Variants in OTOF observed in about 807,000 individuals in gnomAD.
The protein encoded by OTOF is otoferlin.
Under a neutral mutation model 236.8 loss-of-function variants are expected in OTOF, and 218 were observed. The ratio of observed to expected loss-of-function variants is 0.92; its 90% confidence interval spans 0.82 to 1.03. OTOF has a LOEUF of 1.03. OTOF is among the 50% of genes least tolerant of loss of function. OTOF has a pLI of 0.00. For synonymous variants in OTOF, 1,041 were observed against 1,072.5 expected (o/e 0.97, Z 0.57); for missense variants, 2,590 against 2,694.4 (o/e 0.96, Z 0.86).
intron 8 of OTOF, among the ~76,000 whole-genome samples, chr2:26,497,709 A>G (rs1377141454): frequency 6.6e-6 from 1 of 152,204 alleles, no homozygotes; most frequent in Non-Finnish European, 1.5e-5. Flanking sequence ...GGAAGCAAAC[A>G]TTTCCGTTTG....
Position 26,457,981 on chromosome 2 carries a change from C to T in OTOF, c.*257G>A. On this transcript the variant is annotated 3_prime_UTR_variant, in exon 47 of 47. Coordinates refer to ENST00000272371, the MANE Select transcript of OTOF (RefSeq NM_194248.3). The surrounding 1 kb of genome is among the most constrained non-coding windows in gnomAD (Gnocchi z 4.4). ...TCCCCAGGGGAGATGGGAAAGAGTC[C>T]AAGCCACTGAAAGGAAATGCGGCAG... The T allele has an allele frequency of 6.5e-7, 1 of 1,534,608 alleles. No homozygotes were observed. The highest frequency in any genetic ancestry group is 8.9e-7 in the Non-Finnish European group (1 of 1,120,662).
intron 18 of OTOF, chr2:26,478,110 T>A: frequency 1.2e-5 from 15 of 1,245,918 alleles, no homozygotes; most frequent in Non-Finnish European, 1.6e-5. Flanking sequence ...GATCCTGACG[T>A]CACTCCAGAA....
intron 1 of OTOF, among the ~76,000 whole-genome samples, chr2:26,556,547 G>A (rs1449384815): frequency 6.6e-6 from 1 of 152,196 alleles, no homozygotes; most frequent in African/African-American, 2.4e-5. Flanking sequence ...CAGAGAGCAA[G>A]GGTTGCAAAT....
chr2:26,477,445 C>A lies in OTOF; in HGVS notation c.2377G>T (p.Glu793Ter). Residue 793 changes from glutamate to a stop codon, truncating the protein, a stop_gained, in exon 20 of 47, where the codon GAG becomes TAG. Coordinates refer to ENST00000272371, the MANE Select transcript of OTOF (RefSeq NM_194248.3). LOFTEE classifies it high-confidence loss of function. The surrounding 1 kb of genome is among the most constrained non-coding windows in gnomAD (Gnocchi z 4.7). Reference sequence around the variant, plus strand: ...TCCCTCATGCAGGACTTGAGGCGCTCCCGGTCAAGCCTGGTGCGGGATGAG... The same window carrying A: ...TCCCTCATGCAGGACTTGAGGCGCTACCGGTCAAGCCTGGTGCGGGATGAG... ...GHSSRTRLDRERLKSCMRELE... is the reference protein window; with the variant it reads ...GHSSRTRLDR 6.3e-7 allele frequency: 1 copy of A among 1,599,276 alleles called. No individual in the cohort carries two copies.
chr2:26,474,155 C>T lies in OTOF; in HGVS notation c.3289-45G>A, dbSNP rs199928644. 1,674 of 1,611,240 alleles carry T rather than the reference C, an allele frequency of 1.0e-3. 25 individuals are homozygous for T. The highest frequency in any genetic ancestry group is 3.2e-4 in the Non-Finnish European group (377 of 1,178,916). ...GGTCACACACTGGGGAGCCCAGGGA[C>T]AGGGTCTCTTTCCCCATGAGTTGTT... On this transcript the variant is annotated intron_variant, in intron 26 of 46. Coordinates refer to ENST00000272371, the MANE Select transcript of OTOF (RefSeq NM_194248.3).
chr2:26,548,687 G>T (rs1394360047), intron 1 of OTOF, among the ~76,000 whole-genome samples: 1 of 152,116 alleles, frequency 6.6e-6, no homozygotes, highest in East Asian at 1.9e-4. Context: ...ACTTACCATT[G>T]TACTATGATT....
In OTOF at chr2:26,473,264, G is replaced by A; in HGVS notation, c.3601C>T (p.Pro1201Ser). Residue 1201 changes from proline to serine, a missense_variant, in exon 29 of 47, where the codon CCC becomes TCC. This residue lies in a region of OTOF where 1,211 missense variants were observed against 1,352.8 expected (regional missense o/e 0.90). Coordinates refer to ENST00000272371, the MANE Select transcript of OTOF (RefSeq NM_194248.3). The surrounding 1 kb of genome is among the most constrained non-coding windows in gnomAD (Gnocchi z 7.2). ...CAGTCCACCACACGGATGTTCAAGGGCGGGTGCAGCAGCTCGTTCTCTGGG... is the reference window on the plus strand; with the variant it reads ...CAGTCCACCACACGGATGTTCAAGGACGGGTGCAGCAGCTCGTTCTCTGGG... The part of the protein sequence containing the change: ...DLPENELLHP[P>S]LNIRVVDCRA... 6.2e-7 allele frequency: 1 copy of A among 1,613,438 alleles called. No homozygotes were observed. Among genetic ancestry groups the A allele is most frequent in the Non-Finnish European group, 8.5e-7 (1 of 1,179,922 alleles).
At position 26,499,941 on chromosome 2, in the gene OTOF, C is replaced by T. The variant is rs140250090; in HGVS notation, c.765+1813G>A. Among the ~76,000 whole-genome samples, 289 of 152,272 alleles carry T rather than the reference C, an allele frequency of 1.9e-3. 3 individuals are homozygous for T. In the East Asian group the frequency reaches 0.027, roughly 14 times the overall value. On this transcript the variant is annotated intron_variant, in intron 8 of 46. Coordinates refer to ENST00000272371, the MANE Select transcript of OTOF (RefSeq NM_194248.3). The stretch of plus-strand genomic sequence containing the variant: ...ATGCTACCAGGTTAAATACAACAAC[C>T]GTTTTGTTCAGTTCGGTTTAAAAAG...
rs1665396169 is a variant in OTOF, at chr2:26,477,859, C to G, written c.2215-110G>C. 2 of 1,557,442 alleles carry G rather than the reference C, an allele frequency of 1.3e-6. No homozygotes were observed. The highest frequency in any genetic ancestry group is 8.7e-7 in the Non-Finnish European group (1 of 1,150,956). The stretch of plus-strand genomic sequence containing the variant: ...AGTGAGGGACCTCATGATCTGGGAG[C>G]TCTCGCTAGGGCCATCCTGAGTATC... On this transcript the variant is annotated intron_variant, in intron 18 of 46. Transcript: ENST00000272371. The surrounding 1 kb of genome is among the most constrained non-coding windows in gnomAD (Gnocchi z 4.7).
At chr2:26,545,051 A>AAAAG (rs1487050107) in intron 1 of OTOF, among the ~76,000 whole-genome samples, 2 of 151,516 alleles carry the variant, frequency 1.3e-5, no homozygotes, top group Admixed American at 6.6e-5. Context: ...AAAAAAAAAA[A>AAAAG]AAAAGAAAAG....
intron 33 of OTOF, 73 bp downstream of exon 33, chr2:26,468,335 G>T (rs1558474240): frequency 8.3e-6 from 9 of 1,082,392 alleles, no homozygotes; most frequent in African/African-American, 1.5e-5. Flanking sequence ...AGAAGCAGGT[G>T]ATGAGGTGGG....
intron 3 of OTOF, 52 bp from the exon 4 acceptor site, chr2:26,519,161 G>A (rs763679042): frequency 2.5e-6 from 3 of 1,196,384 alleles, no homozygotes; most frequent in Admixed American, 3.9e-5. Flanking sequence ...CCAGGGTGAG[G>A]AGCAAGACTG....
At chr2:26,502,536 T>A in intron 6 of OTOF, 110 bp from the exon 7 acceptor site, 1 of 1,111,694 alleles carries the variant, frequency 9.0e-7, no homozygotes, top group Non-Finnish European at 1.3e-6. Flanking sequence ...GAGGTTTACT[T>A]AGTTGCTACC....
Position 26,558,690 on chromosome 2 carries a change from C to T in OTOF, c.-119G>A. 1 of 840,624 alleles carries T rather than the reference C, an allele frequency of 1.2e-6. No homozygotes were observed. The highest frequency in any genetic ancestry group is 1.9e-6 in the Non-Finnish European group (1 of 513,174). The allele number at this position is 840,624 out of a possible 1,614,324, so 52.1% of individuals were successfully genotyped here. A position where few individuals can be genotyped will look rare whatever the true frequency, so the allele number is the denominator to read the frequency against. Reference sequence around the variant, plus strand: ...TGCCTCCTCCTCCTCCTCCCGACCCCCCTCCGATGCTGCCCACAGAGACCA... The same window carrying T: ...TGCCTCCTCCTCCTCCTCCCGACCCTCCTCCGATGCTGCCCACAGAGACCA... On this transcript the variant is annotated 5_prime_UTR_variant, in exon 1 of 47. Coordinates refer to ENST00000272371, the MANE Select transcript of OTOF (RefSeq NM_194248.3).
rs1269547326 is a variant in OTOF at position 26,484,490 on chromosome 2, C to T, written c.1189G>A (p.Glu397Lys). 6.2e-6 allele frequency: 10 copies of T among 1,613,890 alleles called. No homozygotes were observed. The East Asian group carries it at 6.7e-5, about 11-fold the overall frequency. Residue 397 changes from glutamate to lysine, a missense_variant, in exon 12 of 47, where the codon GAA becomes AAA. Glu to Lys is a moderately conservative substitution (Grantham distance 56). Around this residue, in one of 2 missense-constraint regions of OTOF, gnomAD observed 1,379 missense variants for 1,341.6 expected, o/e 1.03. Transcript: ENST00000272371. ...KTPHKANETD[E>K]DDIEGNLLLP... ...GGGCCTCACCCCTCAATGTCATCTT[C>T]GTCGGTCTCATTGGCCTTGTGGGGC... is the stretch of plus-strand genomic sequence containing the variant.
rs374878745 is a variant in OTOF, at chr2:26,544,621, T to A, written c.80-6847A>T. ...CTTTTGGGTGCTTCTAGGGTTGGGC[T>A]ATATGAGCAAAGTTGCTGTAAACAT... is the stretch of plus-strand genomic sequence containing the variant. On this transcript the variant is annotated intron_variant, in intron 1 of 46. Coordinates refer to ENST00000272371, the MANE Select transcript of OTOF (RefSeq NM_194248.3). 2.0e-5 allele frequency among the ~76,000 whole-genome samples: 3 copies of A among 152,264 alleles called. No homozygotes were observed. In the East Asian group the frequency reaches 5.8e-4, roughly 29 times the overall value.
chr2:26,482,458 G>A lies in OTOF; in HGVS notation c.1527C>T (p.Ala509=), dbSNP rs1665564428. ...IRDSDKVNDV[A]IGTHFIDLRK... ...GCAGGTCAATGAAGTGGGTGCCGAT[G>A]GCCACGTCGTTGACCTTGTCCGAGT... Residue 509 remains alanine, a synonymous_variant, in exon 14 of 47, where the codon GCC becomes GCT. Coordinates refer to ENST00000272371, the MANE Select transcript of OTOF (RefSeq NM_194248.3). The A allele has an allele frequency of 1.9e-6, 3 of 1,613,240 alleles. No homozygotes were observed. The African/African-American group carries it at 4.0e-5, about 22-fold the overall frequency.
intron 8 of OTOF, among the ~76,000 whole-genome samples, chr2:26,496,587 CAG>C (rs140854436): frequency 2.0e-5 from 3 of 150,914 alleles, no homozygotes; most frequent in East Asian, 1.9e-4. Context: ...GAGAGAGAGA[CAG>C]AGAGAGAGAG....
rs185260614 is a variant in OTOF, at chr2:26,539,527, G to T, written c.80-1753C>A. Reference sequence around the variant, plus strand: ...GAGGCGGGCGGATCACCTGAGGTCGGGAGTTCGAGACCTGCTTGACCAACA... The same window carrying T: ...GAGGCGGGCGGATCACCTGAGGTCGTGAGTTCGAGACCTGCTTGACCAACA... On this transcript the variant is annotated intron_variant, in intron 1 of 46. Coordinates refer to ENST00000272371, the MANE Select transcript of OTOF (RefSeq NM_194248.3). Among the ~76,000 whole-genome samples the T allele has an allele frequency of 5.3e-5, 8 of 152,254 alleles. No individual in the cohort carries two copies. In the South Asian group the frequency reaches 1.5e-3, roughly 28 times the overall value.
Sources: allele counts gnomAD v4.1 joint callset (sites outside exome capture counted in the v4.1 genomes callset), GRCh38; gene constraint gnomAD v4.1.1; regional missense constraint gnomAD v4.1.1; non-coding constraint Gnocchi (gnomAD v3.1); transcripts MANE v1.5; gene names NCBI Gene and HGNC (gene_info 2026-07-23, HGNC 2026-07-21).